The following PCLO variants were observed in gnomAD, a reference collection of about 807,000 sequenced individuals.
PCLO encodes protein piccolo.
PCLO carries 82 observed loss-of-function variants against 427.5 expected under a neutral mutation model. That is an observed-to-expected ratio of 0.19 (90% CI 0.16 to 0.23). The LOEUF (loss-of-function observed/expected upper bound fraction) is 0.23, where lower values mean the gene tolerates loss of function less well. PCLO is among the 10% of genes least tolerant of loss of function. The pLI is 1.00. For synonymous variants in PCLO, 2,357 were observed against 2,155.4 expected (o/e 1.09, Z -2.59); for missense variants, 6,239 against 6,115.9 (o/e 1.02, Z -0.67).
intron 22 of PCLO, among the ~76,000 whole-genome samples, chr7:82,783,607 G>T (rs186322658): frequency 2.0e-5 from 3 of 152,256 alleles, no homozygotes; most frequent in African/African-American, 7.2e-5. Flanking sequence ...GGGCGATAGA[G>T]CGAGACTCGG....
At chr7:82,990,591 C>A (rs994709824) in intron 3 of PCLO, among the ~76,000 whole-genome samples, 1 of 152,036 alleles carries the variant, frequency 6.6e-6, no homozygotes, top group Non-Finnish European at 1.5e-5. Flanking sequence ...ACTTGCACAT[C>A]CAAGACTGTT....
intron 22 of PCLO, among the ~76,000 whole-genome samples, chr7:82,780,527 ATGTTTTTGTT>A (rs113378382): frequency 0.066 from 10,110 of 152,140 alleles, 432 homozygotes; most frequent in Middle Eastern, 0.11. Flanking sequence ...AGCCTCTTGT[ATGTTTTTGTT>A]TGTTTTTGTT....
chr7:83,007,265 T>A (rs562718844), intron 3 of PCLO, among the ~76,000 whole-genome samples: 2 of 151,530 alleles, frequency 1.3e-5, no homozygotes, highest in Non-Finnish European at 3.0e-5. Flanking sequence ...TCACAGGTAA[T>A]CAAAGAAATG....
At chr7:83,027,333 C>T (rs1367617438) in intron 3 of PCLO, among the ~76,000 whole-genome samples, 14,478 of 150,526 alleles carry the variant, frequency 0.096, 935 homozygotes, top group Non-Finnish European at 0.14. Context: ...AACACCTCTA[C>T]GCAAATAATC....
At chr7:83,096,243 T>C (rs2116462103) in intron 3 of PCLO, among the ~76,000 whole-genome samples, 1 of 145,378 alleles carries the variant, frequency 6.9e-6, no homozygotes, top group African/African-American at 2.5e-5. Context: ...ATTAAACTAG[T>C]ACACAGAGAG....
Position 83,155,675 on chromosome 7 carries a change from T to C in PCLO, c.966A>G (p.Glu322=). The C allele has an allele frequency of 6.2e-7, 1 of 1,613,966 alleles. No homozygotes were observed. Among genetic ancestry groups the C allele is most frequent in the Non-Finnish European group, 8.5e-7 (1 of 1,179,890 alleles). Residue 322 remains glutamate, a synonymous_variant, in exon 2 of 25, where the codon GAA becomes GAG. Coordinates refer to ENST00000333891, the MANE Select transcript of PCLO (RefSeq NM_033026.6). ...GKPPAQQPGH[E]KSQPGPAKPP... is the part of the protein sequence containing the mutation. ...GCTTTGCAGGCCCAGGCTGTGATTT[T>C]TCATGTCCAGGCTGCTGTGCTGGAG...
At chr7:82,877,582 T>C (rs2371365) in intron 10 of PCLO, among the ~76,000 whole-genome samples, 68,421 of 152,008 alleles carry the variant, frequency 0.45, 16,817 homozygotes, top group African/African-American at 0.66. Flanking sequence ...TTTATTCATA[T>C]AGTCTTTCCT....
chr7:82,915,809 T>A lies in PCLO; in HGVS notation c.12177A>T (p.Thr4059=). The A allele has an allele frequency of 6.2e-7, 1 of 1,613,376 alleles. No individual in the cohort carries two copies. The highest frequency in any genetic ancestry group is 8.5e-7 in the Non-Finnish European group (1 of 1,179,626). The change falls in exon 7 of 25, where the codon ACA becomes ACT. Residue 4059 remains threonine, a synonymous_variant. Transcript: ENST00000333891. The stretch of plus-strand genomic sequence containing the variant: ...GGCTAAATGCGGTGCTTAATGCCGC[T>A]GTTCCTTTGGTGATCTCTCCAATGT... ...IDDIGEITKG[T]AALSTAFSLH...
chr7:83,016,952 G>A (rs1044125719), intron 3 of PCLO, among the ~76,000 whole-genome samples: 1 of 152,066 alleles, frequency 6.6e-6, no homozygotes, highest in Middle Eastern at 3.2e-3. Flanking sequence ...TGTCAAGAAT[G>A]ATTAGCCTTC....
chr7:82,993,375 A>G (rs1796421981), intron 3 of PCLO, among the ~76,000 whole-genome samples: 2 of 151,954 alleles, frequency 1.3e-5, no homozygotes, highest in Non-Finnish European at 2.9e-5. Context: ...CTAAGCTGAC[A>G]TGTTTTGTTT....
At chr7:82,968,449 T>G (rs1207498397) in intron 3 of PCLO, among the ~76,000 whole-genome samples, 2 of 151,940 alleles carry the variant, frequency 1.3e-5, no homozygotes, top group Non-Finnish European at 2.9e-5. Context: ...AATCTTAATC[T>G]ATAACATGGT....
intron 3 of PCLO, among the ~76,000 whole-genome samples, chr7:82,990,262 G>A (rs1485983932): frequency 6.6e-6 from 1 of 152,118 alleles, no homozygotes; most frequent in Non-Finnish European, 1.5e-5. Flanking sequence ...AAACATTTCT[G>A]TGCCCCCTTT....
Position 82,949,657 on chromosome 7 carries a change from T to C in PCLO, c.10931A>G (p.Glu3644Gly), listed in dbSNP as rs750847276. The C allele has an allele frequency of 1.9e-6, 3 of 1,613,868 alleles. No homozygotes were observed. The Admixed American group carries it at 5.0e-5, about 27-fold the overall frequency. The change falls in exon 6 of 25, where the codon GAA becomes GGA. Residue 3644 changes from glutamate (E) to glycine (G), a missense_variant. Glu to Gly is a moderately conservative substitution (Grantham distance 98). Coordinates refer to ENST00000333891, the MANE Select transcript of PCLO (RefSeq NM_033026.6). ...ACTTATATCATCAGGGAGGGGTTTT[T>C]CATAAGGTACAAAGGCTGATTCTAA... ...KALESAFVPY[E>G]KPLPDDISPQ...
intron 16 of PCLO, among the ~76,000 whole-genome samples, chr7:82,834,899 T>C (rs1792188052): frequency 6.6e-6 from 1 of 152,078 alleles, no homozygotes; most frequent in Non-Finnish European, 1.5e-5. Flanking sequence ...CATGAAAATG[T>C]TTCAACATTA....
intron 10 of PCLO, among the ~76,000 whole-genome samples, chr7:82,870,887 G>A (rs2888017): frequency 0.84 from 127,636 of 151,996 alleles, 54,050 homozygotes; most frequent in African/African-American, 0.91. Context: ...TAAAACCACA[G>A]TGAGATTTCA....
In PCLO at chr7:82,951,504, C is replaced by G; in HGVS notation, c.9098-14G>C. The G allele has an allele frequency of 6.6e-7, 1 of 1,516,998 alleles. No individual in the cohort carries two copies. The highest frequency in any genetic ancestry group is 9.0e-7 in the Non-Finnish European group (1 of 1,115,710). 94.0% of individuals were successfully genotyped at this position (1,516,998 alleles called of 1,614,324 possible). A position where few individuals can be genotyped will look rare whatever the true frequency, so the allele number is the denominator to read the frequency against. The stretch of plus-strand genomic sequence containing the variant: ...CCATTACCTCACCTGAAATACAGGG[C>G]AGAGTTATAGTCCAGTTCCCAGAAT... On this transcript the variant is annotated splice_polypyrimidine_tract_variant and intron_variant, in intron 5 of 24. Coordinates refer to ENST00000333891, the MANE Select transcript of PCLO (RefSeq NM_033026.6).
Position 83,162,775 on chromosome 7 carries a change from G to T in PCLO, c.-183C>A. 1 of 724,276 alleles carries T rather than the reference G, an allele frequency of 1.4e-6. No individual in the cohort carries two copies. The allele number at this position is 724,276 out of a possible 1,614,324, so 44.9% of individuals were successfully genotyped here. A position where few individuals can be genotyped will look rare whatever the true frequency, so the allele number is the denominator to read the frequency against. On this transcript the variant is annotated 5_prime_UTR_variant, in exon 1 of 25. Coordinates refer to ENST00000333891, the MANE Select transcript of PCLO (RefSeq NM_033026.6). ...AGGCAGGGGTTAGTCCCGCTCGCAG[G>T]TAACGCCCGCTGCCGGTGCCTCCTC...
chr7:83,029,903 T>C (rs989797048), intron 3 of PCLO, among the ~76,000 whole-genome samples: 3 of 145,318 alleles, frequency 2.1e-5, no homozygotes, highest in Admixed American at 6.9e-5. Flanking sequence ...TAGGTGGGAA[T>C]TGAACAATGA....
chr7:83,134,790 A>G lies in PCLO; in HGVS notation c.2760T>C (p.Pro920=). 1 of 1,613,912 alleles carries G rather than the reference A, an allele frequency of 6.2e-7. No individual in the cohort carries two copies. Among genetic ancestry groups the G allele is most frequent in the Non-Finnish European group, 8.5e-7 (1 of 1,179,870 alleles). The change falls in exon 3 of 25, where the codon CCT becomes CCC. Residue 920 remains proline (P), a synonymous_variant. Coordinates refer to ENST00000333891, the MANE Select transcript of PCLO (RefSeq NM_033026.6). The part of the protein sequence containing the change: ...GSITDAPKSQ[P]TTPQETVTGK... Reference sequence around the variant, plus strand: ...CAGTCACGGTCTCTTGAGGAGTTGTAGGCTGTGATTTGGGGGCATCAGTAA... The same window carrying G: ...CAGTCACGGTCTCTTGAGGAGTTGTGGGCTGTGATTTGGGGGCATCAGTAA...
Sources: allele counts gnomAD v4.1 joint callset (sites outside exome capture counted in the v4.1 genomes callset), GRCh38; gene constraint gnomAD v4.1.1; transcripts MANE v1.5; gene names NCBI Gene and HGNC (gene_info 2026-07-23, HGNC 2026-07-21).